The following CNGB1 variants were observed in gnomAD, a reference collection of about 807,000 sequenced individuals.
CNGB1 encodes cyclic nucleotide gated channel subunit beta 1.
In CNGB1, 126 loss-of-function variants were observed where a neutral mutation model predicts 151.7. That is an observed-to-expected ratio of 0.83 (90% CI 0.72 to 0.96). The LOEUF is 0.96. Ranked by LOEUF, CNGB1 falls within the 40% of genes least tolerant of loss-of-function variation. The pLI, the probability that CNGB1 is intolerant of heterozygous loss-of-function variation, is 0.00. For synonymous variants in CNGB1, 623 were observed against 635.1 expected, an observed-to-expected ratio of 0.98 and a Z score of 0.29; for missense variants, 1,698 against 1,627.0, an observed-to-expected ratio of 1.04 and a Z score of -0.75.
chr16:57,928,974 A>G (rs1961268436), intron 17 of CNGB1, among the ~76,000 whole-genome samples: 1 of 152,200 alleles, frequency 6.6e-6, no homozygotes, highest in Non-Finnish European at 1.5e-5. Context: ...TGGGTAGATG[A>G]CACTGAAAGC....
rs1220208371 is a variant in CNGB1, at chr16:57,955,313, G to A, written c.874+2028C>T. On this transcript the variant is annotated intron_variant, in intron 12 of 32. Transcript: ENST00000251102. Reference sequence around the variant, plus strand: ...TTTCCTTCCATCCATGTGTCCATCTGAGCTCTCCCAGATTCCCTTCTCCCT... The same window carrying A: ...TTTCCTTCCATCCATGTGTCCATCTAAGCTCTCCCAGATTCCCTTCTCCCT... 4 of 1,551,742 alleles carry A rather than the reference G, an allele frequency of 2.6e-6. No individual in the cohort carries two copies. The Middle Eastern group carries it at 5.0e-4, about 194-fold the overall frequency.
At position 57,916,025 on chromosome 16, in the gene CNGB1, G is replaced by A. The variant is rs918468514; in HGVS notation, c.2217+104C>T. On this transcript the variant is annotated intron_variant, in intron 22 of 32. Transcript: ENST00000251102. ...CCCACAGGGACCAGCATCCCTCCGT[G>A]TGGCAGAAACCACATCTCATGAACG... is the stretch of plus-strand genomic sequence containing the variant. 24 of 1,093,390 alleles carry A rather than the reference G, an allele frequency of 2.2e-5. No individual in the cohort carries two copies. The African/African-American group carries it at 3.1e-4, about 14-fold the overall frequency. 67.7% of individuals were successfully genotyped at this position (1,093,390 alleles called of 1,614,324 possible).
chr16:57,914,579 C>T (rs1385655221), intron 23 of CNGB1, among the ~76,000 whole-genome samples: 4 of 152,166 alleles, frequency 2.6e-5, no homozygotes, highest in Non-Finnish European at 4.4e-5. Context: ...GATTGGTTGG[C>T]CATCAAAATC....
At chr16:57,905,027 C>A in intron 25 of CNGB1, 152 bp from the exon 26 acceptor site, 2 of 926,866 alleles carry the variant, frequency 2.2e-6, no homozygotes, top group South Asian at 1.5e-5. Context: ...ACCTCCTGCA[C>A]GTGTAGAGCA....
At chr16:57,888,129 G>T in intron 31 of CNGB1, 55 bp from the exon 32 acceptor site, 1 of 1,558,616 alleles carries the variant, frequency 6.4e-7, no homozygotes, top group East Asian at 2.2e-5. Flanking sequence ...GGAAAAGAAA[G>T]ACTCGCTTCT....
chr16:57,925,711 G>A (rs758702188), intron 17 of CNGB1, among the ~76,000 whole-genome samples: 20 of 151,372 alleles, frequency 1.3e-4, no homozygotes, highest in Non-Finnish European at 2.7e-4. Context: ...TTTTTGAGAT[G>A]GAGTCTCGCT....
chr16:57,901,527 C>T lies in CNGB1; in HGVS notation c.2892+1G>A. On this transcript the variant is annotated splice_donor_variant, in intron 28 of 32. Coordinates refer to ENST00000251102, the MANE Select transcript of CNGB1 (RefSeq NM_001297.5). LOFTEE classifies it high-confidence loss of function. ...GAGCGTGAGGGCACCAAAAGGTGTA[C>T]CTGAAAGAGTGCGACTTTGCTAACG... is the stretch of plus-strand genomic sequence containing the variant. The T allele has an allele frequency of 1.2e-6, 2 of 1,614,154 alleles. No individual in the cohort carries two copies. The highest frequency in any genetic ancestry group is 1.6e-4 in the Middle Eastern group (1 of 6,062).
intron 14 of CNGB1, among the ~76,000 whole-genome samples, chr16:57,944,498 T>C (rs1263293263): frequency 2.6e-5 from 4 of 152,188 alleles, no homozygotes; most frequent in Admixed American, 2.6e-4. Context: ...AGCAATGTAT[T>C]TGTAAAAATT....
intron 20 of CNGB1, among the ~76,000 whole-genome samples, chr16:57,918,421 G>A (rs1960940030): frequency 6.6e-6 from 1 of 152,186 alleles, no homozygotes; most frequent in Non-Finnish European, 1.5e-5. Flanking sequence ...GGAGCCCTCT[G>A]TAAACTCTAA....
chr16:57,885,526 T>TTTCC (rs1244889402), intron 32 of CNGB1, among the ~76,000 whole-genome samples: 7 of 149,648 alleles, frequency 4.7e-5, no homozygotes, highest in East Asian at 2.0e-4. Flanking sequence ...TCCTTCCTTT[T>TTTCC]TTCCTTCCTT....
intron 17 of CNGB1, among the ~76,000 whole-genome samples, chr16:57,926,599 C>T (rs1165678196): frequency 1.3e-5 from 2 of 152,220 alleles, no homozygotes; most frequent in African/African-American, 4.8e-5. Context: ...CAGCCCCACA[C>T]AAGAAGATTG....
Position 57,884,454 on chromosome 16 carries a change from T to G in CNGB1, c.3466A>C (p.Lys1156Gln), listed in dbSNP as rs1209711584. ...AKQQELVEQA[K>Q]SSQDVKGEEG... ...TCTCCCTTGACGTCTTGCGAGCTCT[T>G]GGCCTGGAATCCAGAAAGGGTGACT... is the stretch of plus-strand genomic sequence containing the variant. The change falls in exon 33 of 33, where the codon AAG becomes CAG. Residue 1156 changes from lysine (K) to glutamine (Q), a missense_variant. Transcript: ENST00000251102. 6.2e-7 allele frequency: 1 copy of G among 1,613,452 alleles called. No homozygotes were observed.
At chr16:57,958,640 T>G (rs1962152796) in intron 10 of CNGB1, among the ~76,000 whole-genome samples, 155 bp from the exon 11 acceptor site, 1 of 151,754 alleles carries the variant, frequency 6.6e-6, no homozygotes, top group African/African-American at 2.4e-5. Flanking sequence ...AAGACCATTC[T>G]CCCCCCTCTC....
chr16:57,936,977 A>T (rs1291127041), intron 16 of CNGB1: 5 of 152,332 alleles, frequency 3.3e-5, no homozygotes, highest in African/African-American at 1.2e-4. Flanking sequence ...ATGGTTTTCC[A>T]TAAGCAACTA....
intron 17 of CNGB1, among the ~76,000 whole-genome samples, chr16:57,930,184 A>T (rs79018896): frequency 0.024 from 3,640 of 152,216 alleles, 151 homozygotes; most frequent in African/African-American, 0.083. Context: ...AACAATATAA[A>T]TGTCCATCAA....
intron 6 of CNGB1, 65 bp from the exon 7 acceptor site, chr16:57,962,675 G>A: frequency 6.3e-7 from 1 of 1,577,234 alleles, no homozygotes; most frequent in Non-Finnish European, 8.7e-7. Flanking sequence ...CCCCTGGGCA[G>A]CCTGGAGTGG....
chr16:57,943,783 C>A (rs528999818), intron 14 of CNGB1, among the ~76,000 whole-genome samples: 1 of 152,206 alleles, frequency 6.6e-6, no homozygotes, highest in East Asian at 1.9e-4. Context: ...GAAGTTCCAC[C>A]AAAAGTTAAA....
intron 9 of CNGB1, 129 bp from the exon 10 acceptor site, chr16:57,960,194 C>G: frequency 6.8e-7 from 1 of 1,466,728 alleles, no homozygotes; most frequent in Non-Finnish European, 9.0e-7. Context: ...ACCACCTCAC[C>G]CATCCCAATC....
rs918992480 is a variant in CNGB1 at position 57,897,989 on chromosome 16, A to G, written c.2977-75T>C. 4.0e-6 allele frequency: 6 copies of G among 1,499,836 alleles called. No individual in the cohort carries two copies. The African/African-American group carries it at 8.3e-5, about 21-fold the overall frequency. 92.9% of individuals were successfully genotyped at this position (1,499,836 alleles called of 1,614,324 possible). ...GAGAAGCAGCCAGGGCTGGATCCAGAGGCTGGAGGTCCGGCAAGGAGGAAC... is the reference window on the plus strand; with the variant it reads ...GAGAAGCAGCCAGGGCTGGATCCAGGGGCTGGAGGTCCGGCAAGGAGGAAC... On this transcript the variant is annotated intron_variant, in intron 29 of 32. Transcript: ENST00000251102.
Sources: allele counts gnomAD v4.1 joint callset (sites outside exome capture counted in the v4.1 genomes callset), GRCh38; gene constraint gnomAD v4.1.1; transcripts MANE v1.5; gene names NCBI Gene and HGNC (gene_info 2026-07-23, HGNC 2026-07-21).